The following GRM3 variants were observed in gnomAD, a reference collection of about 807,000 sequenced individuals.
GRM3 encodes glutamate metabotropic receptor 3.
Under a neutral mutation model 70.5 loss-of-function variants are expected in GRM3, and 26 were observed. The ratio of observed to expected loss-of-function variants is 0.37; its 90% CI spans 0.27 to 0.51. GRM3 has a LOEUF of 0.51. Among genes scored for constraint, GRM3 ranks in the 20% least tolerant of loss-of-function variants. The probability of loss-of-function intolerance (pLI) is 0.93; values close to 1 mark genes in which losing one functional copy is unlikely to be tolerated. For synonymous variants in GRM3, 443 were observed against 434.9 expected (o/e 1.02, Z -0.23); for missense variants, 859 against 1,123.8 (o/e 0.76, Z 3.37).
chr7:86,677,774 G>A (rs997350270), intron 1 of GRM3, among the ~76,000 whole-genome samples: 1 of 151,826 alleles, frequency 6.6e-6, no homozygotes, highest in African/African-American at 2.4e-5. Flanking sequence ...CTTTAAGATG[G>A]GAGAAAATGG....
chr7:86,650,753 G>C (rs983036948), intron 1 of GRM3, among the ~76,000 whole-genome samples: 8 of 152,170 alleles, frequency 5.3e-5, no homozygotes, highest in Non-Finnish European at 1.0e-4. Context: ...ACAGTGGCAA[G>C]AATATAGTCT....
chr7:86,661,434 C>G (rs183531076), intron 1 of GRM3, among the ~76,000 whole-genome samples: 3 of 152,002 alleles, frequency 2.0e-5, no homozygotes, highest in East Asian at 3.9e-4. Context: ...TGCTGGGGAT[C>G]TGTCAATCTG....
intron 3 of GRM3, among the ~76,000 whole-genome samples, chr7:86,807,641 T>A (rs1269592622): frequency 6.6e-6 from 1 of 152,144 alleles, no homozygotes; most frequent in Non-Finnish European, 1.5e-5. Context: ...TAAGGGGATT[T>A]TGGGCTGAGA....
chr7:86,746,471 A>G (rs1399703908), intron 1 of GRM3, among the ~76,000 whole-genome samples: 1 of 148,364 alleles, frequency 6.7e-6, no homozygotes, highest in African/African-American at 2.5e-5. Flanking sequence ...ATATTTGTCA[A>G]TACTGAACTT....
chr7:86,794,449 A>C (rs897967327), intron 3 of GRM3, among the ~76,000 whole-genome samples: 4 of 152,196 alleles, frequency 2.6e-5, no homozygotes, highest in Non-Finnish European at 5.9e-5. Flanking sequence ...AGCTATCCTA[A>C]AGTTGAGTTT....
At chr7:86,795,009 T>A (rs1797514652) in intron 3 of GRM3, among the ~76,000 whole-genome samples, 1 of 152,008 alleles carries the variant, frequency 6.6e-6, no homozygotes, top group Non-Finnish European at 1.5e-5. Flanking sequence ...TATGATTAGA[T>A]AGTCTAAGAT....
chr7:86,786,187 T>G lies in GRM3; in HGVS notation c.469-74T>G. 3.2e-6 allele frequency: 4 copies of G among 1,247,690 alleles called. No homozygotes were observed. The highest frequency in any genetic ancestry group is 4.5e-6 in the Non-Finnish European group (4 of 882,126). The allele number at this position is 1,247,690 out of a possible 1,614,324, so 77.3% of individuals were successfully genotyped here. A position where few individuals can be genotyped will look rare whatever the true frequency, so the allele number is the denominator to read the frequency against. On this transcript the variant is annotated intron_variant, in intron 2 of 5. Coordinates refer to ENST00000361669, the MANE Select transcript of GRM3 (RefSeq NM_000840.3). The surrounding 1 kb of genome is among the most constrained non-coding windows in gnomAD (Gnocchi z 6.0). ...AAAGGGAGTCAGTAAAAGGTGTGGA[T>G]GCTATTATTCATTTTCATGTCCAGT...
intron 3 of GRM3, among the ~76,000 whole-genome samples, chr7:86,787,862 A>G (rs1364536575): frequency 6.6e-6 from 1 of 152,224 alleles, no homozygotes; most frequent in African/African-American, 2.4e-5. Flanking sequence ...ATTTCTAAAT[A>G]CAGTCTAAAT....
chr7:86,808,480 T>G (rs1256500864), intron 3 of GRM3, among the ~76,000 whole-genome samples: 1 of 149,966 alleles, frequency 6.7e-6, no homozygotes, highest in African/African-American at 2.5e-5. Context: ...CCCTCTTCTG[T>G]AGCTTTTTTT....
At chr7:86,719,830 G>T (rs1046933707) in intron 1 of GRM3, among the ~76,000 whole-genome samples, 1 of 152,000 alleles carries the variant, frequency 6.6e-6, no homozygotes, top group African/African-American at 2.4e-5. Context: ...CCTTAAGGAG[G>T]ATGAGTAGGA....
chr7:86,654,052 G>A (rs1338420336), intron 1 of GRM3, among the ~76,000 whole-genome samples: 2 of 152,130 alleles, frequency 1.3e-5, no homozygotes, highest in East Asian at 3.9e-4. Context: ...TTCACTCAGC[G>A]TCCACTTCGT....
chr7:86,816,658 T>C (rs1280266565), intron 3 of GRM3, among the ~76,000 whole-genome samples: 1 of 152,014 alleles, frequency 6.6e-6, no homozygotes, highest in East Asian at 1.9e-4. Flanking sequence ...TATTCCATTA[T>C]GTATATGTAC....
intron 2 of GRM3, among the ~76,000 whole-genome samples, chr7:86,768,291 C>T (rs1029822335): frequency 3.3e-5 from 5 of 152,266 alleles, no homozygotes; most frequent in East Asian, 1.9e-4. Context: ...AAAGCCATAT[C>T]GAAAGCTAAT....
intron 3 of GRM3, among the ~76,000 whole-genome samples, chr7:86,832,418 T>G (rs1798371675): frequency 6.6e-6 from 1 of 151,824 alleles, no homozygotes; most frequent in South Asian, 2.1e-4. Flanking sequence ...CCAGGTAATG[T>G]TTTGTATTTT....
rs150737284 is a variant in GRM3 at position 86,714,404 on chromosome 7, G to A, written c.-140-50602G>A. Among the ~76,000 whole-genome samples, 69 of 151,848 alleles carry A rather than the reference G, an allele frequency of 4.5e-4. 1 individual carries two copies. The East Asian group carries it at 0.013, about 29-fold the overall frequency. ...AACAACAATTAACCTTTTACTGTAT[G>A]TGCATTTTCTCATTTGTCCACAATG... On this transcript the variant is annotated intron_variant, in intron 1 of 5. Transcript: ENST00000361669.
chr7:86,787,542 T>G (rs1441806316), intron 3 of GRM3, among the ~76,000 whole-genome samples: 1 of 149,532 alleles, frequency 6.7e-6, no homozygotes, highest in Non-Finnish European at 1.5e-5. Flanking sequence ...TCTCATAACT[T>G]TCACAGTGGG....
chr7:86,658,959 G>T (rs781237497), intron 1 of GRM3, among the ~76,000 whole-genome samples: 12 of 151,676 alleles, frequency 7.9e-5, no homozygotes, highest in African/African-American at 1.2e-4. Flanking sequence ...CAACCTGTCC[G>T]CATTTTGAAA....
chr7:86,646,005 G>GTT (rs1793458447), intron 1 of GRM3, among the ~76,000 whole-genome samples: 1 of 42,410 alleles, frequency 2.4e-5, no homozygotes, highest in African/African-American at 8.4e-5. Context: ...GGGTGGGGGG[G>GTT]TGGGGGGGGG....
intron 1 of GRM3, among the ~76,000 whole-genome samples, chr7:86,763,999 G>T (rs1044774968): frequency 6.6e-6 from 1 of 152,030 alleles, no homozygotes; most frequent in Non-Finnish European, 1.5e-5. Context: ...AGGGCATAGT[G>T]GCTAATTGAA....
Sources: allele counts gnomAD v4.1 joint callset (sites outside exome capture counted in the v4.1 genomes callset), GRCh38; gene constraint gnomAD v4.1.1; non-coding constraint Gnocchi (gnomAD v3.1); transcripts MANE v1.5; gene names NCBI Gene and HGNC (gene_info 2026-07-23, HGNC 2026-07-21).